The following WDFY4 variants were observed in gnomAD, a reference collection of about 807,000 sequenced individuals.
The protein encoded by WDFY4 is WDFY family member 4, also known as WD repeat- and FYVE domain-containing protein 4.
WDFY4 carries 169 observed loss-of-function variants against 351.9 expected under a neutral mutation model. That is an observed-to-expected ratio of 0.48 (90% CI 0.42 to 0.55). The LOEUF is 0.55. Ranked by LOEUF, WDFY4 falls within the 20% of genes least tolerant of loss-of-function variation. The probability of loss-of-function intolerance (pLI) is 0.00; values close to 1 mark genes in which losing one functional copy is unlikely to be tolerated. For synonymous variants in WDFY4, 1,622 were observed against 1,574.6 expected (o/e 1.03, Z -0.71); for missense variants, 3,803 against 3,935.6 (o/e 0.97, Z 0.90).
intron 44 of WDFY4, 93 bp downstream of exon 44, chr10:48,890,820 C>T: frequency 6.7e-7 from 1 of 1,502,044 alleles, no homozygotes; most frequent in Non-Finnish European, 9.0e-7. Flanking sequence ...CTTGTTCTTA[C>T]AGTGGGCTTA....
Position 48,735,920 on chromosome 10 carries a change from C to A in WDFY4, c.1728C>A (p.Ile576=), listed in dbSNP as rs554763598. ...ACGGCATGGTGCCCTTCATCAAGAT[C>A]TTCCTGGATGACGAGTGCTACCGGG... is the stretch of plus-strand genomic sequence containing the variant. ...KDHGMVPFIK[I]FLDDECYREA... Residue 576 remains isoleucine, a synonymous_variant, in exon 11 of 62, where the codon ATC becomes ATA. Transcript: ENST00000325239. The A allele has an allele frequency of 1.9e-6, 3 of 1,551,724 alleles. No individual in the cohort carries two copies. In the African/African-American group the frequency reaches 4.1e-5, roughly 21 times the overall value.
intron 55 of WDFY4, chr10:48,968,752 C>T (rs1306810780): frequency 7.6e-6 from 3 of 392,458 alleles, no homozygotes; most frequent in Non-Finnish European, 9.6e-6. Flanking sequence ...AGCTCCAAAT[C>T]CCGTGCTGTG....
intron 47 of WDFY4, among the ~76,000 whole-genome samples, chr10:48,919,324 A>G (rs185205566): frequency 6.6e-6 from 1 of 152,374 alleles, no homozygotes; most frequent in East Asian, 1.9e-4. Context: ...ACTAAAAACT[A>G]CTAAATATTT....
At chr10:48,933,301 A>G (rs903336183) in intron 47 of WDFY4, among the ~76,000 whole-genome samples, 1 of 152,170 alleles carries the variant, frequency 6.6e-6, no homozygotes, top group African/African-American at 2.4e-5. Flanking sequence ...CATGTGCATC[A>G]TCTCATTTAA....
chr10:48,801,584 C>A, intron 24 of WDFY4: 1 of 451,404 alleles, frequency 2.2e-6, no homozygotes, highest in Non-Finnish European at 4.5e-6. Context: ...TCCCAAATGG[C>A]AGCTGGCCCA....
At chr10:48,952,248 C>T (rs2671719) in intron 51 of WDFY4, among the ~76,000 whole-genome samples, 143,440 of 152,210 alleles carry the variant, frequency 0.94, 68,212 homozygotes, top group East Asian at 1. Flanking sequence ...AGCTCAGCCC[C>T]TGCCTCTGAG....
rs200766179 is a variant in WDFY4 at position 48,969,051 on chromosome 10, A to G, written c.8585-13A>G. On this transcript the variant is annotated splice_polypyrimidine_tract_variant and intron_variant, in intron 55 of 61. Transcript: ENST00000325239. The stretch of plus-strand genomic sequence containing the variant: ...CTTCCATGCATAAGTTCGCCATACT[A>G]ACTGGGGTGTAGATATGTACCTCTT... 575 of 1,549,532 alleles carry G rather than the reference A, an allele frequency of 3.7e-4. 2 individuals carry two copies. Among genetic ancestry groups the G allele is most frequent in the Non-Finnish European group, 1.1e-4 (128 of 1,145,476 alleles).
chr10:48,862,446 A>G (rs1564426619), intron 39 of WDFY4, among the ~76,000 whole-genome samples: 2 of 152,174 alleles, frequency 1.3e-5, no homozygotes, highest in Non-Finnish European at 2.9e-5. Context: ...CACAAAGCCT[A>G]TTGTGAACTG....
chr10:48,940,760 G>T lies in WDFY4; in HGVS notation c.7587-1046G>T, dbSNP rs115198154. ...AAACGGCTGGAAAAGGAGCAAAGGG[G>T]CACCTTGGAGGCTGAGGAGCTGGGC... On this transcript the variant is annotated intron_variant, in intron 47 of 61. Coordinates refer to ENST00000325239, the MANE Select transcript of WDFY4 (RefSeq NM_001394531.1). 6.2e-3 allele frequency among the ~76,000 whole-genome samples: 944 copies of T among 152,222 alleles called. 13 individuals carry two copies. Among genetic ancestry groups the T allele is most frequent in the African/African-American group, 0.022 (906 of 41,522 alleles).
At chr10:48,739,470 C>T (rs2064782362) in intron 11 of WDFY4, among the ~76,000 whole-genome samples, 1 of 152,202 alleles carries the variant, frequency 6.6e-6, no homozygotes, top group Admixed American at 6.5e-5. Flanking sequence ...AATGGAGACC[C>T]TCCTCCTAGA....
chr10:48,695,503 T>C (rs2063308065), intron 1 of WDFY4, among the ~76,000 whole-genome samples: 1 of 152,234 alleles, frequency 6.6e-6, no homozygotes, highest in Admixed American at 6.5e-5. Flanking sequence ...GATACATTAC[T>C]TGTTTTCTGA....
chr10:48,826,445 A>G (rs1477101982), intron 35 of WDFY4, among the ~76,000 whole-genome samples: 1 of 152,218 alleles, frequency 6.6e-6, no homozygotes, highest in Non-Finnish European at 1.5e-5. Flanking sequence ...TGTCTTGGCT[A>G]TATGAGCTCT....
intron 44 of WDFY4, 95 bp downstream of exon 44, chr10:48,890,822 G>A: frequency 6.7e-7 from 1 of 1,500,554 alleles, no homozygotes; most frequent in African/African-American, 1.4e-5. Flanking sequence ...TGTTCTTACA[G>A]TGGGCTTAGA....
At chr10:48,802,778 G>A (rs1052747675) in intron 24 of WDFY4, 22 of 471,664 alleles carry the variant, frequency 4.7e-5, no homozygotes, top group Admixed American at 9.4e-5. Flanking sequence ...TGTTGCCTGC[G>A]CAAATTGGGT....
At chr10:48,852,342 G>A (rs545930878) in intron 39 of WDFY4, among the ~76,000 whole-genome samples, 1 of 152,308 alleles carries the variant, frequency 6.6e-6, no homozygotes, top group Admixed American at 6.5e-5. Flanking sequence ...ATCTTCTCCT[G>A]TAAAATGATA....
At chr10:48,852,410 TTGTC>T (rs1402478492) in intron 39 of WDFY4, among the ~76,000 whole-genome samples, 9 of 152,322 alleles carry the variant, frequency 5.9e-5, no homozygotes, top group African/African-American at 1.9e-4. Context: ...CATAACTTCT[TTGTC>T]AGTCATAAAG....
chr10:48,698,779 T>C (rs776809232), intron 1 of WDFY4, among the ~76,000 whole-genome samples: 1 of 152,176 alleles, frequency 6.6e-6, no homozygotes, highest in Non-Finnish European at 1.5e-5. Flanking sequence ...AGGACAGCCA[T>C]GCTGTATCCG....
chr10:48,953,900 A>T (rs1314134488), intron 51 of WDFY4, among the ~76,000 whole-genome samples: 1 of 152,268 alleles, frequency 6.6e-6, no homozygotes, highest in Non-Finnish European at 1.5e-5. Context: ...GCAATGGTGC[A>T]CATAGACTTT....
intron 31 of WDFY4, among the ~76,000 whole-genome samples, chr10:48,816,505 G>A (rs2067625291): frequency 6.6e-6 from 1 of 152,098 alleles, no homozygotes; most frequent in Non-Finnish European, 1.5e-5. Context: ...CAGATCATGT[G>A]ATCTGTATAT....
Sources: allele counts gnomAD v4.1 joint callset (sites outside exome capture counted in the v4.1 genomes callset), GRCh38; gene constraint gnomAD v4.1.1; transcripts MANE v1.5; gene names NCBI Gene and HGNC (gene_info 2026-07-23, HGNC 2026-07-21).